Variants in STK3 observed in about 807,000 individuals in gnomAD.
STK3 encodes the protein serine/threonine kinase 3.
Under a neutral mutation model 58.0 loss-of-function variants are expected in STK3, and 41 were observed. That is an observed-to-expected ratio of 0.71 (90% CI 0.55 to 0.92). STK3 has a LOEUF of 0.92. Among genes scored for constraint, STK3 ranks in the 40% least tolerant of loss-of-function variants. STK3 has a pLI of 0.00. For missense variants in STK3, 479 were observed against 602.7 expected (o/e 0.79, Z 2.15); for synonymous variants, 170 against 191.0 (o/e 0.89, Z 0.91).
rs117221928 is a variant in STK3 at position 98,447,765 on chromosome 8, A to G, written n.186-10557T>C. On this transcript the variant is annotated intron_variant and non_coding_transcript_variant, in intron 1 of 3. Transcript: ENST00000517832. ...TGTATATATTTGTAAAATATATACAATATTATATATATGTTTGCTATCATT... is the reference window on the plus strand; with the variant it reads ...TGTATATATTTGTAAAATATATACAGTATTATATATATGTTTGCTATCATT... Among the ~76,000 whole-genome samples the G allele has an allele frequency of 1.4e-3, 201 of 148,490 alleles. 8 individuals are homozygous for G. The East Asian group carries it at 0.038, about 28-fold the overall frequency.
chr8:98,359,230 G>A, the STK3 span, among the ~76,000 whole-genome samples: 3 of 151,598 alleles, frequency 2.0e-5, no homozygotes, highest in Non-Finnish European at 1.5e-5. Context: ...AATGAGTGCC[G>A]GGCGCGGTGG....
intron 3 of STK3, among the ~76,000 whole-genome samples, chr8:98,840,068 T>G (rs2131805913): frequency 6.6e-6 from 1 of 152,138 alleles, no homozygotes; most frequent in Non-Finnish European, 1.5e-5. Context: ...AAATATAGGC[T>G]GGGTGCCGTG....
At chr8:98,779,113 C>G (rs2131516325) in intron 1 of STK3, among the ~76,000 whole-genome samples, 1 of 152,138 alleles carries the variant, frequency 6.6e-6, no homozygotes, top group East Asian at 1.9e-4. Context: ...TTCCTGGCCC[C>G]TCAGCTGCTT....
intron 3 of STK3, among the ~76,000 whole-genome samples, chr8:98,761,503 A>T (rs529066631): frequency 1.3e-5 from 2 of 152,334 alleles, no homozygotes; most frequent in East Asian, 1.9e-4. Flanking sequence ...TATACTTTTT[A>T]AAAGTCTTCC....
At chr8:98,598,985 G>T in intron 6 of STK3, 1 of 790,882 alleles carries the variant, frequency 1.3e-6, no homozygotes, top group Non-Finnish European at 1.5e-6. Context: ...TGTGGAAAGG[G>T]CTGAAAATGA....
downstream of STK3, among the ~76,000 whole-genome samples, chr8:98,397,250 C>T (rs772882144): frequency 5.3e-5 from 8 of 152,208 alleles, no homozygotes; most frequent in Non-Finnish European, 1.0e-4. Context: ...GCTTCTGGAC[C>T]AAGTGTGGTG....
chr8:98,404,223 T>C (rs1817972014), intron 3 of STK3, among the ~76,000 whole-genome samples: 2 of 152,342 alleles, frequency 1.3e-5, no homozygotes, highest in South Asian at 4.1e-4. Flanking sequence ...CTATGGGACA[T>C]GCTCCTGCTG....
At chr8:98,531,990 C>T (rs1460807665) in intron 9 of STK3, among the ~76,000 whole-genome samples, 1 of 152,216 alleles carries the variant, frequency 6.6e-6, no homozygotes, top group Admixed American at 6.5e-5. Context: ...CTTCTATCCA[C>T]ACCACTCAAA....
At chr8:98,687,479 G>A (rs1018575029) in intron 6 of STK3, among the ~76,000 whole-genome samples, 1 of 152,300 alleles carries the variant, frequency 6.6e-6, no homozygotes, top group East Asian at 1.9e-4. Flanking sequence ...ACCTCCAGCT[G>A]TGTGACCCGG....
intron 7 of STK3, among the ~76,000 whole-genome samples, chr8:98,593,043 C>T (rs974992304): frequency 8.5e-5 from 13 of 152,246 alleles, no homozygotes; most frequent in East Asian, 1.9e-4. Flanking sequence ...GGATTACAGG[C>T]GTGAGCCACG....
intron 4 of STK3, among the ~76,000 whole-genome samples, chr8:98,739,090 A>T (rs908526212): frequency 1.6e-4 from 25 of 152,256 alleles, no homozygotes; most frequent in Admixed American, 6.5e-5. Context: ...GCAGCCGGGA[A>T]GCTCCAACTG....
At chr8:98,543,869 T>A (rs1019181384) in intron 9 of STK3, among the ~76,000 whole-genome samples, 3 of 152,030 alleles carry the variant, frequency 2.0e-5, no homozygotes, top group Non-Finnish European at 4.4e-5. Context: ...CAGCACTCAA[T>A]AGCCAGGGTA....
At chr8:98,390,463 T>C (rs571740181), upstream of STK3, among the ~76,000 whole-genome samples, 5 of 152,204 alleles carry the variant, frequency 3.3e-5, no homozygotes, top group Non-Finnish European at 7.3e-5. Context: ...TCTCTCTGTC[T>C]TTAGTTTTTA....
chr8:98,872,665 T>C (rs1837420027), intron 3 of STK3, among the ~76,000 whole-genome samples: 1 of 152,222 alleles, frequency 6.6e-6, no homozygotes, highest in Admixed American at 6.5e-5. Flanking sequence ...AGTTTGTATT[T>C]CTGTGGGATT....
chr8:98,873,981 C>T (rs1000007005), intron 3 of STK3, among the ~76,000 whole-genome samples: 3 of 152,104 alleles, frequency 2.0e-5, no homozygotes, highest in African/African-American at 4.8e-5. Context: ...TGGCTAGTAC[C>T]GGTTTTTCCT....
chr8:98,669,899 T>C lies in STK3; in HGVS notation c.684+36568A>G, dbSNP rs530246204. 5.3e-5 allele frequency among the ~76,000 whole-genome samples: 8 copies of C among 152,334 alleles called. No homozygotes were observed. In the East Asian group the frequency reaches 1.3e-3, roughly 26 times the overall value. The stretch of plus-strand genomic sequence containing the variant: ...ACGATAGAAGATCTCTTTCACACGA[T>C]AGATGATAAAATGAAGAGATGTTCA... On this transcript the variant is annotated intron_variant, in intron 6 of 10. Transcript: ENST00000419617.
At chr8:98,657,009 A>G (rs1821595054) in intron 6 of STK3, among the ~76,000 whole-genome samples, 1 of 152,008 alleles carries the variant, frequency 6.6e-6, no homozygotes, top group African/African-American at 2.4e-5. Flanking sequence ...ATGACAAAAA[A>G]CTCCCTGCCT....
rs1171041080 is a variant in STK3 at position 98,428,214 on chromosome 8, C to T, written n.483+5913G>A. On this transcript the variant is annotated intron_variant and non_coding_transcript_variant, in intron 3 of 3. Coordinates refer to the STK3 transcript ENST00000517832. The surrounding 1 kb of genome is among the most constrained non-coding windows in gnomAD (Gnocchi z 6.7). ...CTTCGACCGCAACCCTGAGCTCTTCCCCTACGTGCTGCATTTCTATCACAC... is the reference window on the plus strand; with the variant it reads ...CTTCGACCGCAACCCTGAGCTCTTCTCCTACGTGCTGCATTTCTATCACAC... 6.2e-7 allele frequency: 1 copy of T among 1,614,012 alleles called. No individual in the cohort carries two copies. The highest frequency in any genetic ancestry group is 8.5e-7 in the Non-Finnish European group (1 of 1,180,016).
At chr8:98,540,215 C>G (rs1046028813) in intron 9 of STK3, among the ~76,000 whole-genome samples, 3 of 152,194 alleles carry the variant, frequency 2.0e-5, no homozygotes, top group Non-Finnish European at 4.4e-5. Flanking sequence ...CAGAGGGAAG[C>G]TGTTTATTTC....
Sources: allele counts gnomAD v4.1 joint callset (sites outside exome capture counted in the v4.1 genomes callset), GRCh38; gene constraint gnomAD v4.1.1; non-coding constraint Gnocchi (gnomAD v3.1); transcripts MANE v1.5; gene names NCBI Gene and HGNC (gene_info 2026-07-23, HGNC 2026-07-21).